The following COL7A1 variants were observed in gnomAD, a reference collection of about 807,000 sequenced individuals.
The protein encoded by COL7A1 is collagen alpha-1(VII) chain.
Under a neutral mutation model 456.2 loss-of-function variants are expected in COL7A1, and 296 were observed. The ratio of observed to expected loss-of-function variants is 0.65; its 90% CI spans 0.59 to 0.71. The LOEUF (loss-of-function observed/expected upper bound fraction) is 0.71. COL7A1 is among the 30% of genes least tolerant of loss of function. The pLI, the probability that COL7A1 is intolerant of heterozygous loss-of-function variation, is 0.00. For synonymous variants in COL7A1, 1,464 were observed against 1,525.9 expected (o/e 0.96, Z 0.95); for missense variants, 3,441 against 4,017.2 (o/e 0.86, Z 3.88).
Position 48,574,840 on chromosome 3 carries a change from C to A in COL7A1, c.6305G>T (p.Gly2102Val). 6.2e-7 allele frequency: 1 copy of A among 1,613,954 alleles called. No individual in the cohort carries two copies. The highest frequency in any genetic ancestry group is 8.5e-7 in the Non-Finnish European group (1 of 1,180,008). ...PKVSVDEPGP[G>V]LSGEQGPPGL... ...AGGGGGTCCCTGTTCTCCAGAGAGT[C>A]CAGGACCTGGCTCATCCACAGACAC... The change falls in exon 77 of 119, where the codon GGA (glycine) becomes GTA (valine). Residue 2102 changes from glycine (G) to valine (V), a missense_variant. Coordinates refer to ENST00000681320, the MANE Select transcript of COL7A1 (RefSeq NM_000094.4). This position sits in a 1 kb window ranked among gnomAD's most constrained non-coding sequence, Gnocchi z 5.0.
Position 48,586,759 on chromosome 3 carries a change from G to A in COL7A1, c.3277-70C>T, listed in dbSNP as rs564080708. 128 of 1,543,022 alleles carry A rather than the reference G, an allele frequency of 8.3e-5. No individual in the cohort carries two copies. Among genetic ancestry groups the A allele is most frequent in the Non-Finnish European group, 3.6e-5 (41 of 1,141,024 alleles). ...GGGATGGGGGTGCACAGAGCCTGGAGAAACACATCAGGGTGTGTGTGACCA... is the reference window on the plus strand; with the variant it reads ...GGGATGGGGGTGCACAGAGCCTGGAAAAACACATCAGGGTGTGTGTGACCA... On this transcript the variant is annotated intron_variant, in intron 25 of 118. Coordinates refer to ENST00000681320, the MANE Select transcript of COL7A1 (RefSeq NM_000094.4). This position sits in a 1 kb window ranked among gnomAD's most constrained non-coding sequence, Gnocchi z 5.1.
chr3:48,593,514 G>A lies in COL7A1; in HGVS notation c.426+23C>T, dbSNP rs1203084192. 2.5e-6 allele frequency: 4 copies of A among 1,614,134 alleles called. No homozygotes were observed. Among genetic ancestry groups the A allele is most frequent in the South Asian group, 1.1e-5 (1 of 91,082 alleles). On this transcript the variant is annotated intron_variant, in intron 4 of 118. Transcript: ENST00000681320. This position sits in a 1 kb window ranked among gnomAD's most constrained non-coding sequence, Gnocchi z 4.4. ...CACTTCATTTGGGGTCATCTTGGGA[G>A]GCATGGTAGGGGTAGGGATCACCTT...
chr3:48,582,731 G>T (rs1336694247), intron 44 of COL7A1, 78 bp from the exon 45 acceptor site: 3 of 1,498,398 alleles, frequency 2.0e-6, no homozygotes, highest in South Asian at 1.1e-5. Flanking sequence ...AGGCTGGGGT[G>T]GGGGCTGGAG....
In COL7A1 at chr3:48,585,687, C is replaced by T. The variant is rs767241808; in HGVS notation, c.3831+3G>A. 7 of 1,613,930 alleles carry T rather than the reference C, an allele frequency of 4.3e-6. No individual in the cohort carries two copies. In the South Asian group the frequency reaches 4.4e-5, roughly 10 times the overall value. On this transcript the variant is annotated splice_donor_region_variant and intron_variant, in intron 31 of 118. Transcript: ENST00000681320. The surrounding 1 kb of genome is among the most constrained non-coding windows in gnomAD (Gnocchi z 4.5). ...TGCAGGGACAGATGTGGGGGACACT[C>T]ACCGGGAGGCCAGGGTCGCCAGGAG...
At chr3:48,576,482 A>T (rs995028634) in intron 69 of COL7A1, 40 bp downstream of exon 69, 1 of 1,612,668 alleles carries the variant, frequency 6.2e-7, no homozygotes, top group Non-Finnish European at 8.5e-7. Flanking sequence ...CAGCCTGGTC[A>T]GCCCCCTCAC....
chr3:48,586,925 T>A lies in COL7A1; in HGVS notation c.3276+47A>T. The A allele has an allele frequency of 6.4e-7, 1 of 1,561,084 alleles. No individual in the cohort carries two copies. The highest frequency in any genetic ancestry group is 1.2e-5 in the South Asian group (1 of 84,786). Reference sequence around the variant, plus strand: ...GATGGTAACTGGTATGGAGCCTGGGTGGGGGGCCTCAGGGAGAGGTAGAAT... The same window carrying A: ...GATGGTAACTGGTATGGAGCCTGGGAGGGGGGCCTCAGGGAGAGGTAGAAT... On this transcript the variant is annotated intron_variant, in intron 25 of 118. Transcript: ENST00000681320. This position sits in a 1 kb window ranked among gnomAD's most constrained non-coding sequence, Gnocchi z 5.1.
rs1357357912 is a variant in COL7A1 at position 48,592,338 on chromosome 3, ATC to A, written c.1093+11_1093+12del. On this transcript the variant is annotated intron_variant, in intron 9 of 118. Transcript: ENST00000681320. The surrounding 1 kb of genome is among the most constrained non-coding windows in gnomAD (Gnocchi z 7.6). ...GGCGCGGGGACTCCCCTCAGCCCAC[ATC>A]TCTCACTCACCACTGAGGACCCGCC... 3 of 1,613,446 alleles carry A rather than the reference ATC, an allele frequency of 1.9e-6. No homozygotes were observed. The Admixed American group carries it at 5.0e-5, about 27-fold the overall frequency.
rs775084130 is a variant in COL7A1, at chr3:48,578,562, T to C, written c.5425-47A>G. 3.8e-6 allele frequency: 6 copies of C among 1,593,946 alleles called. No homozygotes were observed. The African/African-American group carries it at 5.4e-5, about 14-fold the overall frequency. The stretch of plus-strand genomic sequence containing the variant: ...ATTTATAGGGCCTCTGAGATATCCC[T>C]TGGGGCACACCCCATGGACTAAGAG... On this transcript the variant is annotated intron_variant, in intron 63 of 118. Coordinates refer to ENST00000681320, the MANE Select transcript of COL7A1 (RefSeq NM_000094.4). The surrounding 1 kb of genome is among the most constrained non-coding windows in gnomAD (Gnocchi z 4.7).
Position 48,574,133 on chromosome 3 carries a change from GCACA to G in COL7A1, c.6501+125_6501+128del. On this transcript the variant is annotated intron_variant, in intron 80 of 118. Coordinates refer to ENST00000681320, the MANE Select transcript of COL7A1 (RefSeq NM_000094.4). This position sits in a 1 kb window ranked among gnomAD's most constrained non-coding sequence, Gnocchi z 5.0. ...CACAGACACAGGCACACACAAGCAG[GCACA>G]CACAGAGAGGCACACAGACACAGGT... 1 of 1,249,284 alleles carries G rather than the reference GCACA, an allele frequency of 8.0e-7. No homozygotes were observed. Among genetic ancestry groups the G allele is most frequent in the South Asian group, 1.2e-5 (1 of 82,754 alleles). The allele number at this position is 1,249,284 out of a possible 1,614,324, so 77.4% of individuals were successfully genotyped here.
In COL7A1 at chr3:48,592,790, C is replaced by T. The variant is rs749004650; in HGVS notation, c.831G>A (p.Pro277=). The T allele has an allele frequency of 1.7e-5, 27 of 1,613,724 alleles. No homozygotes were observed. Among genetic ancestry groups the T allele is most frequent in the Middle Eastern group, 1.6e-4 (1 of 6,084 alleles). The change falls in exon 7 of 119, where the codon CCG becomes CCA. Residue 277 remains proline, a synonymous_variant. Transcript: ENST00000681320. This position sits in a 1 kb window ranked among gnomAD's most constrained non-coding sequence, Gnocchi z 7.6. ...TPLTGLGQPL[P]SERQEVNVPA... ...GACATCCTACCTCCTGCCGCTCACT[C>T]GGCAGTGGCTGTCCCAGCCCCGTCA...
rs2043929190 is a variant in COL7A1, at chr3:48,571,655, A to AG, written c.7068+345dup. On this transcript the variant is annotated intron_variant, in intron 92 of 118. Transcript: ENST00000681320. The surrounding 1 kb of genome is among the most constrained non-coding windows in gnomAD (Gnocchi z 4.6). ...GGCCACAGGCTGAACGCTGGCAGCCAGGGGCAGGGGAAAGGAGGATTGTAA... is the reference window on the plus strand; with the variant it reads ...GGCCACAGGCTGAACGCTGGCAGCCAGGGGGCAGGGGAAAGGAGGATTGTAA... 1 of 651,126 alleles carries AG rather than the reference A, an allele frequency of 1.5e-6. No individual in the cohort carries two copies. Among genetic ancestry groups the AG allele is most frequent in the African/African-American group, 1.8e-5 (1 of 56,094 alleles). The allele number at this position is 651,126 out of a possible 1,614,324, so 40.3% of individuals were successfully genotyped here. A position where few individuals can be genotyped will look rare whatever the true frequency, so the allele number is the denominator to read the frequency against.
chr3:48,565,620 G>T lies in COL7A1; in HGVS notation c.8440+16C>A, dbSNP rs752397643. 5.0e-6 allele frequency: 8 copies of T among 1,614,010 alleles called. No homozygotes were observed. Among genetic ancestry groups the T allele is most frequent in the Non-Finnish European group, 6.8e-6 (8 of 1,180,028 alleles). ...GCCTGGGGTGAAGAAAGTTCTGGGAGTAGAAAACTACTCACGTGATCCAGA... is the reference window on the plus strand; with the variant it reads ...GCCTGGGGTGAAGAAAGTTCTGGGATTAGAAAACTACTCACGTGATCCAGA... On this transcript the variant is annotated intron_variant, in intron 115 of 118. Transcript: ENST00000681320. The surrounding 1 kb of genome is among the most constrained non-coding windows in gnomAD (Gnocchi z 4.5).
rs2045913239 is a variant in COL7A1 at position 48,594,255 on chromosome 3, CA to C, written c.266+112del. On this transcript the variant is annotated intron_variant, in intron 3 of 118. Coordinates refer to ENST00000681320, the MANE Select transcript of COL7A1 (RefSeq NM_000094.4). The surrounding 1 kb of genome is among the most constrained non-coding windows in gnomAD (Gnocchi z 5.5). Reference sequence around the variant, plus strand: ...CTGGCTAGGGGGTCTCTAGGTTCCCCAAAACTTGTTTCTGCAAAGACCTGGC... The same window carrying C: ...CTGGCTAGGGGGTCTCTAGGTTCCCCAAACTTGTTTCTGCAAAGACCTGGC... The C allele has an allele frequency of 7.5e-7, 1 of 1,330,746 alleles. No individual in the cohort carries two copies. Among genetic ancestry groups the C allele is most frequent in the East Asian group, 2.3e-5 (1 of 43,392 alleles). 82.4% of individuals were successfully genotyped at this position (1,330,746 alleles called of 1,614,324 possible).
In COL7A1 at chr3:48,568,666, A is replaced by T; in HGVS notation, c.7758+118T>A. On this transcript the variant is annotated intron_variant, in intron 104 of 118. Transcript: ENST00000681320. The surrounding 1 kb of genome is among the most constrained non-coding windows in gnomAD (Gnocchi z 5.2). Reference sequence around the variant, plus strand: ...ACACACAGATCCCGGGTGAACACACATGGGGCCGGCAGCAAGGGAGCCAGA... The same window carrying T: ...ACACACAGATCCCGGGTGAACACACTTGGGGCCGGCAGCAAGGGAGCCAGA... The T allele has an allele frequency of 6.8e-7, 1 of 1,469,910 alleles. No individual in the cohort carries two copies. Among genetic ancestry groups the T allele is most frequent in the Non-Finnish European group, 9.3e-7 (1 of 1,075,352 alleles). The allele number at this position is 1,469,910 out of a possible 1,614,324, so 91.1% of individuals were successfully genotyped here.
At position 48,587,777 on chromosome 3, in the gene COL7A1, G is replaced by A; in HGVS notation, c.2857+16C>T. The A allele has an allele frequency of 6.2e-7, 1 of 1,613,408 alleles. No individual in the cohort carries two copies. Among genetic ancestry groups the A allele is most frequent in the South Asian group, 1.1e-5 (1 of 91,076 alleles). On this transcript the variant is annotated intron_variant, in intron 22 of 118. Coordinates refer to ENST00000681320, the MANE Select transcript of COL7A1 (RefSeq NM_000094.4). This position sits in a 1 kb window ranked among gnomAD's most constrained non-coding sequence, Gnocchi z 6.1. ...CATCAGCAGGGGAGGAGCACGCCAA[G>A]GTGAGGCAGGCTTACCAGTGCGCGC... is the stretch of plus-strand genomic sequence containing the variant.
Position 48,567,388 on chromosome 3 carries a change from C to G in COL7A1, c.8046+186G>C. 1 of 959,950 alleles carries G rather than the reference C, an allele frequency of 1.0e-6. No individual in the cohort carries two copies. The highest frequency in any genetic ancestry group is 1.6e-6 in the Non-Finnish European group (1 of 620,020). 59.5% of individuals were successfully genotyped at this position (959,950 alleles called of 1,614,324 possible). On this transcript the variant is annotated intron_variant, in intron 109 of 118. Coordinates refer to ENST00000681320, the MANE Select transcript of COL7A1 (RefSeq NM_000094.4). This position sits in a 1 kb window ranked among gnomAD's most constrained non-coding sequence, Gnocchi z 4.3. The stretch of plus-strand genomic sequence containing the variant: ...CTGATGCACATGCCCCCTCCACCTC[C>G]CATGCTTTCATCCTAACTCCACTGT...
rs768747694 is a variant in COL7A1, at chr3:48,576,315, A to G, written c.5773-19T>C. ...GGAGGCCCTGGAGAGATGAAGACAA[A>G]CTGCTAGGAACCAGCCTATGGGTGT... On this transcript the variant is annotated intron_variant, in intron 70 of 118. Transcript: ENST00000681320. 1 of 1,613,680 alleles carries G rather than the reference A, an allele frequency of 6.2e-7. No individual in the cohort carries two copies. The highest frequency in any genetic ancestry group is 1.3e-5 in the African/African-American group (1 of 74,908).
chr3:48,585,095 G>A lies in COL7A1; in HGVS notation c.3916C>T (p.Arg1306Cys), dbSNP rs775397461. 3.1e-6 allele frequency: 5 copies of A among 1,610,758 alleles called. No homozygotes were observed. The highest frequency in any genetic ancestry group is 2.2e-5 in the East Asian group (1 of 44,810). The change falls in exon 33 of 119, where the codon CGT (arginine) becomes TGT (cysteine). Residue 1306 changes from arginine to cysteine, a missense_variant. Around this residue, in one of 3 missense-constraint regions of COL7A1, gnomAD observed 2,084 missense variants for 2,501.3 expected, o/e 0.83. Coordinates refer to ENST00000681320, the MANE Select transcript of COL7A1 (RefSeq NM_000094.4). This position sits in a 1 kb window ranked among gnomAD's most constrained non-coding sequence, Gnocchi z 4.5. The part of the protein sequence containing the change: ...GERGFPGADG[R>C]PGSPGRAGNP... ...CCGGCGCGGCCAGGGCTGCCTGGAC[G>A]CCCATCTGCTCCAGGGAAGCCCTGA...
chr3:48,583,468 G>C lies in COL7A1; in HGVS notation c.4402-40C>G, dbSNP rs764729722. On this transcript the variant is annotated intron_variant, in intron 41 of 118. Transcript: ENST00000681320. This position sits in a 1 kb window ranked among gnomAD's most constrained non-coding sequence, Gnocchi z 5.1. ...TTTGGGGGTTCAGAGATTTGGGTTT[G>C]GGCATGAGGATGGAGCAGTGGTTGA... 1.9e-6 allele frequency: 3 copies of C among 1,613,980 alleles called. No homozygotes were observed. In the African/African-American group the frequency reaches 4.0e-5, roughly 22 times the overall value.
Sources: allele counts gnomAD v4.1 joint callset, GRCh38; gene constraint gnomAD v4.1.1; regional missense constraint gnomAD v4.1.1; non-coding constraint Gnocchi (gnomAD v3.1); transcripts MANE v1.5; gene names NCBI Gene and HGNC (gene_info 2026-07-23, HGNC 2026-07-21).